Variants in SNTB1 observed in about 807,000 individuals in gnomAD.
SNTB1 encodes the protein beta-1-syntrophin.
In SNTB1, 36 loss-of-function variants were observed where a neutral mutation model predicts 48.9. The observed-to-expected ratio is 0.74, with a 90% CI of 0.56 to 0.97. The LOEUF (loss-of-function observed/expected upper bound fraction) is 0.97, where lower values mean the gene tolerates loss of function less well. Ranked by LOEUF, SNTB1 falls within the 50% of genes least tolerant of loss-of-function variation. The pLI, the probability that SNTB1 is intolerant of heterozygous loss-of-function variation, is 0.00. For missense variants in SNTB1, 786 were observed against 703.4 expected, an observed-to-expected ratio of 1.12 and a Z score of -1.33; for synonymous variants, 299 against 294.6, an observed-to-expected ratio of 1.01 and a Z score of -0.15.
intron 3 of SNTB1, among the ~76,000 whole-genome samples, chr8:120,591,543 G>T (rs1406795448): frequency 1.3e-5 from 2 of 152,164 alleles, no homozygotes; most frequent in Non-Finnish European, 2.9e-5. Flanking sequence ...AGGAGTATGA[G>T]GTTTTGGACA....
At chr8:120,666,705 G>A (rs1187770191) in intron 2 of SNTB1, among the ~76,000 whole-genome samples, 1 of 151,892 alleles carries the variant, frequency 6.6e-6, no homozygotes, top group Non-Finnish European at 1.5e-5. Flanking sequence ...CCCCTTTGTG[G>A]ACTCCAACTA....
intron 4 of SNTB1, among the ~76,000 whole-genome samples, chr8:120,563,976 C>A (rs1815705578): frequency 6.6e-6 from 1 of 152,092 alleles, no homozygotes; most frequent in Non-Finnish European, 1.5e-5. Flanking sequence ...GGCATGGAGG[C>A]TTACACCTGT....
At chr8:120,785,114 C>T (rs1819900319) in intron 1 of SNTB1, among the ~76,000 whole-genome samples, 3 of 152,186 alleles carry the variant, frequency 2.0e-5, no homozygotes, top group Admixed American at 2.0e-4. Flanking sequence ...AGAAGTCTGT[C>T]AGCTAATTCA....
chr8:120,696,038 G>A (rs1818205839), intron 1 of SNTB1, among the ~76,000 whole-genome samples: 1 of 151,950 alleles, frequency 6.6e-6, no homozygotes. Flanking sequence ...GTCCGAGGCT[G>A]GAATAAATAT....
chr8:120,588,569 G>A (rs1816187277), intron 3 of SNTB1, among the ~76,000 whole-genome samples: 1 of 152,024 alleles, frequency 6.6e-6, no homozygotes, highest in Non-Finnish European at 1.5e-5. Context: ...CAGCAAGGAG[G>A]GAGTCTAGTA....
intron 3 of SNTB1, among the ~76,000 whole-genome samples, chr8:120,593,933 G>T (rs1816283055): frequency 6.6e-6 from 1 of 152,074 alleles, no homozygotes; most frequent in South Asian, 2.1e-4. Flanking sequence ...AGAGAGGAGG[G>T]ACTTTCATTG....
At chr8:120,553,343 G>A (rs1815513764) in intron 4 of SNTB1, among the ~76,000 whole-genome samples, 1 of 152,190 alleles carries the variant, frequency 6.6e-6, no homozygotes, top group Non-Finnish European at 1.5e-5. Context: ...TGTCCTTTTG[G>A]ATATGATGAT....
At chr8:120,661,641 TC>T (rs1318580783) in intron 2 of SNTB1, among the ~76,000 whole-genome samples, 5 of 152,126 alleles carry the variant, frequency 3.3e-5, no homozygotes, top group African/African-American at 1.2e-4. Flanking sequence ...ATGTTCTCCC[TC>T]CCCTTTCCCC....
chr8:120,789,822 G>A (rs573707866), intron 1 of SNTB1, among the ~76,000 whole-genome samples: 14 of 152,064 alleles, frequency 9.2e-5, no homozygotes, highest in African/African-American at 3.4e-4. Context: ...AGGAGAATTG[G>A]TACCAATTAT....
rs866290059 is a variant in SNTB1, at chr8:120,810,476, G to A, written c.571+797C>T. Among the ~76,000 whole-genome samples the A allele has an allele frequency of 2.6e-5, 4 of 152,090 alleles. No individual in the cohort carries two copies. In the South Asian group the frequency reaches 8.3e-4, roughly 32 times the overall value. On this transcript the variant is annotated intron_variant, in intron 1 of 6. Transcript: ENST00000517992. The stretch of plus-strand genomic sequence containing the variant: ...AGTTTCTAGGCTCTTCGCACGCAGG[G>A]GAAACTGTTTACAAATGCAAAGTTG...
chr8:120,552,673 CT>C (rs915008001), intron 4 of SNTB1, among the ~76,000 whole-genome samples: 13 of 152,142 alleles, frequency 8.5e-5, no homozygotes, highest in African/African-American at 2.9e-4. Context: ...CAGTGCCAAT[CT>C]TTTTGGCACC....
chr8:120,667,091 C>T (rs530981333), intron 2 of SNTB1, among the ~76,000 whole-genome samples: 2 of 126,234 alleles, frequency 1.6e-5, no homozygotes, highest in African/African-American at 5.5e-5. Context: ...TTCTCTCTCT[C>T]TCTCTCTTCT....
At chr8:120,622,347 A>G (rs1247745091) in intron 3 of SNTB1, among the ~76,000 whole-genome samples, 1 of 152,214 alleles carries the variant, frequency 6.6e-6, no homozygotes, top group East Asian at 1.9e-4. Context: ...AATATTTTAA[A>G]AACTTCACAC....
intron 1 of SNTB1, among the ~76,000 whole-genome samples, chr8:120,707,943 T>C (rs1350595576): frequency 1.3e-5 from 2 of 152,126 alleles, no homozygotes; most frequent in Non-Finnish European, 2.9e-5. Context: ...TACATCAGAA[T>C]TGATGTTATC....
chr8:120,651,896 T>C (rs945998515), intron 2 of SNTB1, among the ~76,000 whole-genome samples: 1 of 152,142 alleles, frequency 6.6e-6, no homozygotes, highest in Non-Finnish European at 1.5e-5. Flanking sequence ...AATATATCAC[T>C]GATGTAAAAA....
At chr8:120,564,704 G>C (rs1414889741) in intron 4 of SNTB1, among the ~76,000 whole-genome samples, 1 of 151,412 alleles carries the variant, frequency 6.6e-6, no homozygotes, top group Non-Finnish European at 1.5e-5. Flanking sequence ...AAGTAGCTGG[G>C]ATTACAGGTG....
chr8:120,775,004 C>G (rs1039026090), intron 1 of SNTB1, among the ~76,000 whole-genome samples: 1 of 152,092 alleles, frequency 6.6e-6, no homozygotes, highest in Non-Finnish European at 1.5e-5. Context: ...TGTTTGAAGT[C>G]TTTGGCACAT....
At chr8:120,602,559 C>T (rs1816437152) in intron 3 of SNTB1, among the ~76,000 whole-genome samples, 1 of 152,152 alleles carries the variant, frequency 6.6e-6, no homozygotes, top group African/African-American at 2.4e-5. Context: ...AATTTCCAGC[C>T]AGCTAGTCCA....
intron 2 of SNTB1, among the ~76,000 whole-genome samples, chr8:120,668,373 T>C (rs1237124719): frequency 1.3e-5 from 2 of 152,304 alleles, no homozygotes; most frequent in Admixed American, 6.5e-5. Context: ...GAAGGGTAAA[T>C]ATAGTTCCCG....
Sources: allele counts gnomAD v4.1 joint callset (sites outside exome capture counted in the v4.1 genomes callset), GRCh38; gene constraint gnomAD v4.1.1; transcripts MANE v1.5; gene names NCBI Gene and HGNC (gene_info 2026-07-23, HGNC 2026-07-21).